Variants in TSTD2 observed in about 807,000 individuals in gnomAD.
The protein encoded by TSTD2 is thiosulfate sulfurtransferase like domain containing 2, also known as thiosulfate sulfurtransferase/rhodanese-like domain-containing protein 2.
Under a neutral mutation model 47.9 loss-of-function variants are expected in TSTD2, and 37 were observed. The ratio of observed to expected loss-of-function variants is 0.77; its 90% CI spans 0.59 to 1.02. TSTD2 has a LOEUF of 1.02. Ranked by LOEUF, TSTD2 falls within the 50% of genes least tolerant of loss-of-function variation. The probability of loss-of-function intolerance (pLI) is 0.00; values close to 1 mark genes in which losing one functional copy is unlikely to be tolerated. For missense variants in TSTD2, 586 were observed against 616.0 expected, an observed-to-expected ratio of 0.95 and a Z score of 0.52; for synonymous variants, 201 against 215.9, an observed-to-expected ratio of 0.93 and a Z score of 0.61.
Position 97,611,696 on chromosome 9 carries a change from GA to G in TSTD2, c.606del (p.Arg203GlufsTer89). 1 of 1,601,078 alleles carries G rather than the reference GA, an allele frequency of 6.2e-7. No individual in the cohort carries two copies. The highest frequency in any genetic ancestry group is 1.1e-5 in the South Asian group (1 of 90,686). ...LCQHLHLTGK[I>X]RIAAEGINGT... is the part of the protein sequence containing the mutation. ...CCATTGATTCCTTCTGCAGCAATTC[GA>G]ATCTGAGACACAAGACGGTGAAAAA... On this transcript the variant is annotated frameshift_variant and splice_region_variant, in exon 5 of 10. Coordinates refer to ENST00000341170, the MANE Select transcript of TSTD2 (RefSeq NM_139246.5). LOFTEE classifies it high-confidence loss of function.
intron 6 of TSTD2, among the ~76,000 whole-genome samples, chr9:97,606,972 C>T (rs1826375661): frequency 6.6e-6 from 1 of 151,970 alleles, no homozygotes; most frequent in East Asian, 1.9e-4. Flanking sequence ...AAGGGGAAGC[C>T]TGGGGAACAT....
chr9:97,601,625 G>C lies in TSTD2; in HGVS notation c.*844C>G, dbSNP rs1433877015. 1 of 985,492 alleles carries C rather than the reference G, an allele frequency of 1.0e-6. No individual in the cohort carries two copies. The highest frequency in any genetic ancestry group is 1.2e-6 in the Non-Finnish European group (1 of 829,632). The allele number at this position is 985,492 out of a possible 1,614,324, so 61.0% of individuals were successfully genotyped here. A position where few individuals can be genotyped will look rare whatever the true frequency, so the allele number is the denominator to read the frequency against. On this transcript the variant is annotated 3_prime_UTR_variant, in exon 10 of 10. Transcript: ENST00000341170. ...AAACTTTTCTGTAAAAGGCCAGACA[G>C]TAAAAATTTCCGATTTTGCAGGCCA...
chr9:97,618,326 C>G (rs1014863520), intron 3 of TSTD2, among the ~76,000 whole-genome samples: 1 of 152,146 alleles, frequency 6.6e-6, no homozygotes, highest in African/African-American at 2.4e-5. Flanking sequence ...TAAATTGAGG[C>G]CAATTCCTCC....
At position 97,605,506 on chromosome 9, in the gene TSTD2, C is replaced by A; in HGVS notation, c.1090G>T (p.Gly364Cys). The change falls in exon 8 of 10, where the codon GGT becomes TGT. Residue 364 changes from glycine to cysteine, a missense_variant. Transcript: ENST00000341170. ...ACCTTGGCTTTGAGGTAGGCTGAACCCCGCTCACAGCGGATGCCCCCGGTA... is the reference window on the plus strand; with the variant it reads ...ACCTTGGCTTTGAGGTAGGCTGAACACCGCTCACAGCGGATGCCCCCGGTA... ...YCTGGIRCER[G>C]SAYLKAKGVC... is the part of the protein sequence containing the mutation. The A allele has an allele frequency of 6.2e-7, 1 of 1,613,890 alleles. No homozygotes were observed. Among genetic ancestry groups the A allele is most frequent in the Non-Finnish European group, 8.5e-7 (1 of 1,179,920 alleles).
At position 97,610,354 on chromosome 9, in the gene TSTD2, T is replaced by C. The variant is rs1368156084; in HGVS notation, c.827A>G (p.Lys276Arg). ...TCTAAAAGCAAGCATACCAGGCTTCTTGTAGGAGATCTTTTTGGGGCTGAT... is the reference window on the plus strand; with the variant it reads ...TCTAAAAGCAAGCATACCAGGCTTCCTGTAGGAGATCTTTTTGGGGCTGAT... ...MGISPKKISY[K>R]KPGIHLSPGE... The change falls in exon 6 of 10, where the codon AAG becomes AGG. Residue 276 changes from lysine (K) to arginine (R), a missense_variant. Lys to Arg is a conservative substitution (Grantham distance 26, BLOSUM62 2). Coordinates refer to ENST00000341170, the MANE Select transcript of TSTD2 (RefSeq NM_139246.5). The C allele has an allele frequency of 1.9e-6, 3 of 1,604,320 alleles. No homozygotes were observed. The highest frequency in any genetic ancestry group is 1.1e-5 in the South Asian group (1 of 89,202).
intron 4 of TSTD2, among the ~76,000 whole-genome samples, chr9:97,616,228 C>A (rs955160680): frequency 6.6e-6 from 1 of 151,998 alleles, no homozygotes; most frequent in Non-Finnish European, 1.5e-5. Flanking sequence ...AACTGAAAGA[C>A]CATGTTGCTG....
intron 7 of TSTD2, 105 bp downstream of exon 7, chr9:97,606,038 T>C: frequency 8.2e-6 from 7 of 850,138 alleles, no homozygotes; most frequent in Non-Finnish European, 1.2e-5. Flanking sequence ...AGGAGATCCA[T>C]GTGGCCACAG....
chr9:97,605,418 G>A (rs140697802), intron 8 of TSTD2, 65 bp downstream of exon 8: 356 of 1,593,774 alleles, frequency 2.2e-4, no homozygotes, highest in African/African-American at 1.6e-3. Context: ...ACAGCTCCAC[G>A]TAAGCTGCTG....
chr9:97,611,471 T>G (rs772156898), intron 5 of TSTD2, 103 bp downstream of exon 5: 1 of 1,318,430 alleles, frequency 7.6e-7, no homozygotes. Flanking sequence ...AAAGGGTATT[T>G]ATTTGGCACT....
At chr9:97,628,071 A>G (rs1212162645) in intron 1 of TSTD2, among the ~76,000 whole-genome samples, 1 of 152,228 alleles carries the variant, frequency 6.6e-6, no homozygotes, top group Non-Finnish European at 1.5e-5. Context: ...CCAGAAAAGC[A>G]ACAGGTACAA....
chr9:97,623,935 A>G (rs1394413786), intron 3 of TSTD2, among the ~76,000 whole-genome samples: 1 of 152,198 alleles, frequency 6.6e-6, no homozygotes, highest in Non-Finnish European at 1.5e-5. Flanking sequence ...GTCTTTGGCT[A>G]TATATAGTAT....
chr9:97,614,721 C>T (rs1201964989), intron 4 of TSTD2, among the ~76,000 whole-genome samples: 2 of 152,050 alleles, frequency 1.3e-5, no homozygotes, highest in Non-Finnish European at 1.5e-5. Flanking sequence ...GGTAAATGAC[C>T]CTGGCAGGTT....
chr9:97,627,986 C>T lies in TSTD2; in HGVS notation c.-50-374G>A, dbSNP rs571487932. Among the ~76,000 whole-genome samples, 7 of 152,266 alleles carry T rather than the reference C, an allele frequency of 4.6e-5. 1 individual carries two copies. The South Asian group carries it at 1.5e-3, about 32-fold the overall frequency. ...CTTCGAACACAGAGAGTAGGAAAAG[C>T]CTTTCTGCAGCAATAGCATTTGAGC... On this transcript the variant is annotated intron_variant, in intron 1 of 9. Coordinates refer to ENST00000341170, the MANE Select transcript of TSTD2 (RefSeq NM_139246.5).
intron 2 of TSTD2, among the ~76,000 whole-genome samples, chr9:97,626,907 A>G (rs1826730688): frequency 7.4e-6 from 1 of 134,664 alleles, no homozygotes; most frequent in South Asian, 2.3e-4. Context: ...AATAAAAGGC[A>G]AAAGAAATGC....
At chr9:97,603,365 A>T (rs1273460711) in intron 9 of TSTD2, among the ~76,000 whole-genome samples, 3 of 152,124 alleles carry the variant, frequency 2.0e-5, no homozygotes, top group South Asian at 4.1e-4. Flanking sequence ...TACCTTGCTT[A>T]TCTAAGCTAC....
rs766999421 is a variant in TSTD2 at position 97,610,363 on chromosome 9, A to C, written c.818T>G (p.Ile273Ser). The stretch of plus-strand genomic sequence containing the variant: ...AAGCATACCAGGCTTCTTGTAGGAG[A>C]TCTTTTTGGGGCTGATCCCCATGGG... ...IVPMGISPKKISYKKPGIHLS... is the reference protein window; with the variant it reads ...IVPMGISPKKSSYKKPGIHLS... Residue 273 changes from isoleucine to serine, a missense_variant, in exon 6 of 10, where the codon ATC becomes AGC. By Grantham distance (142) the Ile-to-Ser change is moderately radical (BLOSUM62 -2). Transcript: ENST00000341170. The C allele has an allele frequency of 6.2e-7, 1 of 1,604,862 alleles. No homozygotes were observed. Among genetic ancestry groups the C allele is most frequent in the South Asian group, 1.1e-5 (1 of 89,258 alleles).
intron 4 of TSTD2, among the ~76,000 whole-genome samples, chr9:97,613,467 T>C (rs1424116101): frequency 6.6e-6 from 1 of 152,014 alleles, no homozygotes; most frequent in African/African-American, 2.4e-5. Flanking sequence ...CATATTCTCT[T>C]TGAAATGCTC....
chr9:97,620,576 T>C (rs1826618189), intron 3 of TSTD2, among the ~76,000 whole-genome samples: 1 of 152,206 alleles, frequency 6.6e-6, no homozygotes, highest in Admixed American at 6.5e-5. Flanking sequence ...TGGAACTCCC[T>C]AGAGACTTGT....
chr9:97,611,852 G>A (rs1826466680), intron 4 of TSTD2, among the ~76,000 whole-genome samples, 153 bp from the exon 5 acceptor site: 2 of 152,208 alleles, frequency 1.3e-5, no homozygotes, highest in African/African-American at 2.4e-5. Context: ...AAAGATATCT[G>A]TGTTTTTCTT....
Sources: gnomAD v4.1 joint callset for allele counts (sites outside exome capture counted in the v4.1 genomes callset) on GRCh38, gnomAD v4.1.1 for gene constraint, MANE v1.5 for transcripts, NCBI Gene and HGNC (gene_info 2026-07-23, HGNC 2026-07-21) for gene names.